Variants in JPH2 observed in about 807,000 individuals in gnomAD.
JPH2 encodes the protein junctophilin-2.
A neutral mutation model predicts 55.9 loss-of-function variants in JPH2; 38 were observed. That is an observed-to-expected ratio of 0.68 (90% CI 0.52 to 0.89). The LOEUF is 0.89. JPH2 is among the 40% of genes least tolerant of loss of function. JPH2 has a pLI of 0.00. For synonymous variants in JPH2, 480 were observed against 472.4 expected (o/e 1.02, Z -0.21); for missense variants, 964 against 1,037.6 (o/e 0.93, Z 0.97).
At position 44,159,266 on chromosome 20, in the gene JPH2, C is replaced by T. The variant is rs982158783; in HGVS notation, c.1169+352G>A. Among the ~76,000 whole-genome samples the T allele has an allele frequency of 3.3e-5, 5 of 151,506 alleles. No homozygotes were observed. Among genetic ancestry groups the T allele is most frequent in the Non-Finnish European group, 5.9e-5 (4 of 67,870 alleles). Reference sequence around the variant, plus strand: ...GGATGGATGTTTGGGTGGTTGACTGCGAGGTTGTGTGGATAGATGGATGAC... The same window carrying T: ...GGATGGATGTTTGGGTGGTTGACTGTGAGGTTGTGTGGATAGATGGATGAC... On this transcript the variant is annotated intron_variant, in intron 2 of 5. Coordinates refer to ENST00000372980, the MANE Select transcript of JPH2 (RefSeq NM_020433.5). This position sits in a 1 kb window ranked among gnomAD's most constrained non-coding sequence, Gnocchi z 5.7.
In JPH2 at chr20:44,109,666, A is replaced by C. The variant is rs935350898; in HGVS notation, c.*3852T>G. 2.0e-5 allele frequency among the ~76,000 whole-genome samples: 3 copies of C among 152,168 alleles called. No individual in the cohort carries two copies. The highest frequency in any genetic ancestry group is 2.0e-4 in the Admixed American group (3 of 15,288). On this transcript the variant is annotated 3_prime_UTR_variant, in exon 6 of 6. Transcript: ENST00000372980. ...AAGAGCTATTTTAATTTCAGCATAC[A>C]TGCAAGTTTTATGTTTTACAGTTTA... is the stretch of plus-strand genomic sequence containing the variant.
At chr20:44,180,246 ATACCTCAAG>A (rs2072768656) in intron 1 of JPH2, among the ~76,000 whole-genome samples, 1 of 152,316 alleles carries the variant, frequency 6.6e-6, no homozygotes, top group East Asian at 1.9e-4. Flanking sequence ...GTAACATAAC[ATACCTCAAG>A]TACCTCAAGT....
chr20:44,136,204 C>G (rs1238547943), intron 2 of JPH2, among the ~76,000 whole-genome samples: 1 of 152,166 alleles, frequency 6.6e-6, no homozygotes, highest in Admixed American at 6.5e-5. Context: ...ACCCCAGACC[C>G]CTTCCAGCCT....
rs1569195345 is a variant in JPH2, at chr20:44,134,719, T to TATATATTTATTATAAATATATAAAG, written c.1170-16121_1170-16097dup. Among the ~76,000 whole-genome samples, 127 of 58,164 alleles carry TATATATTTATTATAAATATATAAAG rather than the reference T, an allele frequency of 2.2e-3. 12 individuals are homozygous for TATATATTTATTATAAATATATAAAG. Among genetic ancestry groups the TATATATTTATTATAAATATATAAAG allele is most frequent in the African/African-American group, 9.7e-3 (120 of 12,378 alleles). 38.2% of individuals were successfully genotyped at this position (58,164 alleles called of 152,430 possible). On this transcript the variant is annotated intron_variant, in intron 2 of 5. Transcript: ENST00000372980. ...TATATACATTAATATATATTATAAATATATATTTATTATAAATATATAAAG... is the reference window on the plus strand; with the variant it reads ...TATATACATTAATATATATTATAAATATATATTTATTATAAATATATAAAGATATATTTATTATAAATATATAAAG...
chr20:44,153,918 C>A (rs576928761), intron 2 of JPH2, among the ~76,000 whole-genome samples: 118 of 152,338 alleles, frequency 7.7e-4, no homozygotes, highest in African/African-American at 2.5e-3. Context: ...AGAAAACAAG[C>A]ATTTGTCAGG....
In JPH2 at chr20:44,185,739, A is replaced by G. The variant is rs1569225813; in HGVS notation, c.379+588T>C. Among the ~76,000 whole-genome samples the G allele has an allele frequency of 6.6e-5, 10 of 151,338 alleles. No individual in the cohort carries two copies. The South Asian group carries it at 1.9e-3, about 29-fold the overall frequency. On this transcript the variant is annotated intron_variant, in intron 1 of 5. Transcript: ENST00000372980. ...GATGGGTGGATGGGCAGGTAGATGT[A>G]TGAATGGCTGGATGGGTAGATGAAT... is the stretch of plus-strand genomic sequence containing the variant.
Position 44,109,520 on chromosome 20 carries a change from C to G in JPH2, c.*3998G>C, listed in dbSNP as rs925459785. On this transcript the variant is annotated 3_prime_UTR_variant, in exon 6 of 6. Transcript: ENST00000372980. ...CATACAGGAGGTGAAGGGCTTAGCACAGGGCCTGACCTACGGCCACCTGAC... is the reference window on the plus strand; with the variant it reads ...CATACAGGAGGTGAAGGGCTTAGCAGAGGGCCTGACCTACGGCCACCTGAC... Among the ~76,000 whole-genome samples, 1 of 152,190 alleles carries G rather than the reference C, an allele frequency of 6.6e-6. No individual in the cohort carries two copies. The highest frequency in any genetic ancestry group is 6.5e-5 in the Admixed American group (1 of 15,286).
At chr20:44,164,445 A>G (rs1399275747) in intron 1 of JPH2, among the ~76,000 whole-genome samples, 1 of 152,224 alleles carries the variant, frequency 6.6e-6, no homozygotes, top group African/African-American at 2.4e-5. Flanking sequence ...AAAATAAGAC[A>G]ACAAAAAATG....
In JPH2 at chr20:44,116,107, G is replaced by A. The variant is rs1378737709; in HGVS notation, c.1568C>T (p.Ser523Leu). The part of the protein sequence containing the change: ...NGEPSGEGSR[S>L]VTPSEGAGRR... ...GCCCGCGCCCTCGGACGGAGTGACTGACCGGCTGCCCTCACCGCTGGGCTC... is the reference window on the plus strand; with the variant it reads ...GCCCGCGCCCTCGGACGGAGTGACTAACCGGCTGCCCTCACCGCTGGGCTC... The change falls in exon 4 of 6, where the codon TCA becomes TTA. Residue 523 changes from serine to leucine, a missense_variant. Coordinates refer to ENST00000372980, the MANE Select transcript of JPH2 (RefSeq NM_020433.5). 17 of 1,487,012 alleles carry A rather than the reference G, an allele frequency of 1.1e-5. No individual in the cohort carries two copies. The highest frequency in any genetic ancestry group is 1.2e-5 in the Non-Finnish European group (14 of 1,130,240). 92.1% of individuals were successfully genotyped at this position (1,487,012 alleles called of 1,614,324 possible). A position where few individuals can be genotyped will look rare whatever the true frequency, so the allele number is the denominator to read the frequency against.
In JPH2 at chr20:44,115,878, C is replaced by T; in HGVS notation, c.1797G>A (p.Pro599=). The stretch of plus-strand genomic sequence containing the variant: ...TGGGGGCCTGCAGCGGGGCGGTGGC[C>T]GGGGACGAGGGCGCGGACTCGGACC... ...VSGSESAPSS[P]ATAPLQAPTL... Residue 599 remains proline, a synonymous_variant, in exon 4 of 6, where the codon CCG becomes CCA. Transcript: ENST00000372980. The T allele has an allele frequency of 6.3e-7, 1 of 1,582,990 alleles. No homozygotes were observed. Among genetic ancestry groups the T allele is most frequent in the Non-Finnish European group, 8.5e-7 (1 of 1,170,726 alleles).
intron 1 of JPH2, among the ~76,000 whole-genome samples, chr20:44,168,146 A>C (rs775761365): frequency 6.6e-6 from 1 of 152,204 alleles, no homozygotes; most frequent in Non-Finnish European, 1.5e-5. Flanking sequence ...TTGCCCAGAA[A>C]GGATTAACTG....
In JPH2 at chr20:44,147,648, T is replaced by C. The variant is rs6103654; in HGVS notation, c.1169+11970A>G. ...ACAGGGGATTTATTACTTTTTTATT[T>C]TGTACGTGTATGACCTTCCTTGGAT... On this transcript the variant is annotated intron_variant, in intron 2 of 5. Transcript: ENST00000372980. 3.5e-3 allele frequency among the ~76,000 whole-genome samples: 540 copies of C among 152,352 alleles called. 6 individuals are homozygous for C. The highest frequency in any genetic ancestry group is 0.012 in the African/African-American group (505 of 41,580).
At chr20:44,169,171 GTAT>G (rs1455272920) in intron 1 of JPH2, among the ~76,000 whole-genome samples, 2 of 83,856 alleles carry the variant, frequency 2.4e-5, no homozygotes, top group Non-Finnish European at 4.3e-5. Flanking sequence ...CTGGCCTTGG[GTAT>G]TTTTTTTTTT....
At chr20:44,133,472 C>A (rs529559352) in intron 2 of JPH2, among the ~76,000 whole-genome samples, 330 of 152,172 alleles carry the variant, frequency 2.2e-3, no homozygotes, top group African/African-American at 7.7e-3. Flanking sequence ...GGGGCAGCCA[C>A]ACAGCAGGGA....
intron 1 of JPH2, among the ~76,000 whole-genome samples, chr20:44,169,464 C>T (rs1421820156): frequency 1.3e-5 from 2 of 152,178 alleles, no homozygotes; most frequent in African/African-American, 4.8e-5. Flanking sequence ...AGGCATGAGC[C>T]ACCACGCCTG....
intron 3 of JPH2, among the ~76,000 whole-genome samples, chr20:44,117,732 T>G (rs1263995278): frequency 6.6e-6 from 1 of 152,192 alleles, no homozygotes; most frequent in East Asian, 1.9e-4. Context: ...GAGGGCAGCC[T>G]TCTCTAACAC....
At chr20:44,131,456 AC>A (rs2072318066) in intron 2 of JPH2, among the ~76,000 whole-genome samples, 1 of 152,110 alleles carries the variant, frequency 6.6e-6, no homozygotes, top group Admixed American at 6.5e-5. Flanking sequence ...AAGACAACAA[AC>A]GTGTGTTGTT....
chr20:44,164,449 A>G (rs1265962730), intron 1 of JPH2, among the ~76,000 whole-genome samples: 1 of 152,240 alleles, frequency 6.6e-6, no homozygotes, highest in Non-Finnish European at 1.5e-5. Flanking sequence ...TAAGACAACA[A>G]AAAATGGAAA....
chr20:44,125,745 C>T (rs1425349788), intron 2 of JPH2, among the ~76,000 whole-genome samples: 1 of 152,066 alleles, frequency 6.6e-6, no homozygotes, highest in South Asian at 2.1e-4. Flanking sequence ...CCAGATTGCC[C>T]GGGTGCAGAC....
Sources: gnomAD v4.1 joint callset for allele counts (sites outside exome capture counted in the v4.1 genomes callset) on GRCh38, gnomAD v4.1.1 for gene constraint, Gnocchi (gnomAD v3.1) non-coding constraint, MANE v1.5 for transcripts, NCBI Gene and HGNC (gene_info 2026-07-23, HGNC 2026-07-21) for gene names.